The following PARM1 variants were observed in gnomAD, a reference collection of about 807,000 sequenced individuals.
PARM1 encodes WSC4, cell wall integrity and stress response component 4 homolog.
In PARM1, 14 loss-of-function variants were observed where a neutral mutation model predicts 24.6. The ratio of observed to expected loss-of-function variants is 0.57; its 90% CI spans 0.38 to 0.89. The LOEUF is 0.89. Among genes scored for constraint, PARM1 ranks in the 40% least tolerant of loss-of-function variants. The pLI, the probability that PARM1 is intolerant of heterozygous loss-of-function variation, is 0.00. For synonymous variants in PARM1, 179 were observed against 156.6 expected, an observed-to-expected ratio of 1.14 and a Z score of -1.07; for missense variants, 362 against 380.4, an observed-to-expected ratio of 0.95 and a Z score of 0.40.
At chr4:75,028,152 A>G (rs1442132330) in intron 2 of PARM1, among the ~76,000 whole-genome samples, 1 of 152,260 alleles carries the variant, frequency 6.6e-6, no homozygotes, top group Non-Finnish European at 1.5e-5. Context: ...ACAGTAAGTA[A>G]CAGGAAAGTG....
intron 1 of PARM1, among the ~76,000 whole-genome samples, chr4:75,009,494 A>G (rs1198461443): frequency 6.6e-6 from 1 of 152,218 alleles, no homozygotes; most frequent in Non-Finnish European, 1.5e-5. Context: ...CAGGGTACAT[A>G]GAGTTAAATA....
chr4:75,017,979 G>T (rs373622190), intron 2 of PARM1, among the ~76,000 whole-genome samples: 11 of 152,164 alleles, frequency 7.2e-5, no homozygotes, highest in African/African-American at 2.4e-4. Flanking sequence ...TCAATCAATG[G>T]CTATGGTTGC....
At chr4:75,029,518 C>T (rs1723239728) in intron 2 of PARM1, among the ~76,000 whole-genome samples, 1 of 152,222 alleles carries the variant, frequency 6.6e-6, no homozygotes, top group Admixed American at 6.5e-5. Context: ...GCTCTCTTGC[C>T]TGCCACCATG....
chr4:74,970,188 G>T (rs1474983472), intron 1 of PARM1: 1 of 152,222 alleles, frequency 6.6e-6, no homozygotes, highest in African/African-American at 2.4e-5. Context: ...AGAAGTGTTA[G>T]TATGTGAACA....
intron 2 of PARM1, among the ~76,000 whole-genome samples, chr4:75,027,107 A>G (rs180929944): frequency 1.3e-5 from 2 of 152,038 alleles, no homozygotes. Context: ...AGGCCCACCC[A>G]CCTTAGGCAC....
At chr4:75,010,840 G>A (rs1722857171) in intron 1 of PARM1, among the ~76,000 whole-genome samples, 1 of 152,176 alleles carries the variant, frequency 6.6e-6, no homozygotes, top group African/African-American at 2.4e-5. Context: ...TATTACAGTT[G>A]TGTTTGCATT....
At chr4:74,956,803 A>AGGCT (rs1452952499) in intron 1 of PARM1, 1 of 152,236 alleles carries the variant, frequency 6.6e-6, no homozygotes, top group Non-Finnish European at 1.5e-5. Flanking sequence ...TTTTATGATC[A>AGGCT]GGCTGTACTG....
intron 1 of PARM1, among the ~76,000 whole-genome samples, chr4:74,961,815 A>G (rs1030463581): frequency 1.3e-5 from 2 of 152,216 alleles, no homozygotes; most frequent in Admixed American, 6.5e-5. Flanking sequence ...AAGAAATGCT[A>G]AAAGAAGTCC....
chr4:75,010,627 C>A (rs747774629), intron 1 of PARM1, among the ~76,000 whole-genome samples: 2 of 152,122 alleles, frequency 1.3e-5, no homozygotes, highest in Non-Finnish European at 2.9e-5. Context: ...AGAGGTGACA[C>A]AATCAAAGTG....
intron 2 of PARM1, among the ~76,000 whole-genome samples, chr4:75,017,480 C>A (rs1033155272): frequency 5.3e-5 from 8 of 152,198 alleles, no homozygotes; most frequent in Admixed American, 1.3e-4. Flanking sequence ...ATGGCTCCCT[C>A]CTTTTCATCA....
intron 3 of PARM1, among the ~76,000 whole-genome samples, chr4:75,036,043 A>G (rs923346915): frequency 6.6e-6 from 1 of 152,208 alleles, no homozygotes; most frequent in Non-Finnish European, 1.5e-5. Flanking sequence ...TTTCCATTTT[A>G]TAACAAAGTA....
At chr4:74,999,979 A>T (rs371176254) in intron 1 of PARM1, among the ~76,000 whole-genome samples, 10 of 151,852 alleles carry the variant, frequency 6.6e-5, no homozygotes, top group African/African-American at 2.4e-4. Flanking sequence ...TCCTGGATGC[A>T]TCTGTGGGTG....
At chr4:75,039,427 G>A (rs1368154241) in intron 3 of PARM1, among the ~76,000 whole-genome samples, 11 of 152,090 alleles carry the variant, frequency 7.2e-5, no homozygotes, top group East Asian at 5.8e-4. Flanking sequence ...CCAGCTGCTC[G>A]GGAGGCTGAG....
intron 1 of PARM1, among the ~76,000 whole-genome samples, chr4:74,940,807 T>C (rs1179043441): frequency 6.6e-6 from 1 of 152,222 alleles, no homozygotes; most frequent in African/African-American, 2.4e-5. Flanking sequence ...ATTTTAAAGA[T>C]TAAAGGGTGT....
At chr4:75,012,307 C>A in intron 1 of PARM1, 118 bp from the exon 2 acceptor site, 2 of 1,141,844 alleles carry the variant, frequency 1.8e-6, no homozygotes, top group Non-Finnish European at 2.5e-6. Flanking sequence ...GGGCACAATG[C>A]AAAATGAGAA....
At chr4:75,032,363 T>G (rs1405470134) in intron 2 of PARM1, among the ~76,000 whole-genome samples, 2 of 152,244 alleles carry the variant, frequency 1.3e-5, no homozygotes, top group East Asian at 3.8e-4. Context: ...TACTAAAGAA[T>G]TAACAAGTGG....
At chr4:75,009,973 AC>A (rs1722841814) in intron 1 of PARM1, among the ~76,000 whole-genome samples, 1 of 152,228 alleles carries the variant, frequency 6.6e-6, no homozygotes, top group South Asian at 2.1e-4. Context: ...GCAAAAAATT[AC>A]CATATGATTC....
At chr4:74,982,498 T>G (rs555124674) in intron 1 of PARM1, among the ~76,000 whole-genome samples, 28 of 152,226 alleles carry the variant, frequency 1.8e-4, no homozygotes, top group African/African-American at 6.7e-4. Context: ...AATAAACACA[T>G]TCACATAACT....
At chr4:74,957,882 T>C (rs1363650304) in intron 1 of PARM1, among the ~76,000 whole-genome samples, 2 of 152,202 alleles carry the variant, frequency 1.3e-5, no homozygotes, top group South Asian at 2.1e-4. Context: ...GCCTGCAGTA[T>C]TCCAAATGGC....
Sources: allele counts gnomAD v4.1 joint callset (sites outside exome capture counted in the v4.1 genomes callset), GRCh38; gene constraint gnomAD v4.1.1; transcripts MANE v1.5; gene names NCBI Gene and HGNC (gene_info 2026-07-23, HGNC 2026-07-21).